RCHY1: variants seen among roughly 807,000 people sequenced by gnomAD.
The protein encoded by RCHY1 is ring finger and CHY zinc finger domain containing 1.
RCHY1 carries 21 observed loss-of-function variants against 41.6 expected under a neutral mutation model. The ratio of observed to expected loss-of-function variants is 0.51; its 90% CI spans 0.36 to 0.73. The LOEUF (loss-of-function observed/expected upper bound fraction) is 0.73, where lower values mean the gene tolerates loss of function less well. RCHY1 is among the 30% of genes least tolerant of loss of function. The pLI, the probability that RCHY1 is intolerant of heterozygous loss-of-function variation, is 0.00. For synonymous variants in RCHY1, 79 were observed against 102.9 expected, an observed-to-expected ratio of 0.77 and a Z score of 1.41; for missense variants, 265 against 325.3, an observed-to-expected ratio of 0.81 and a Z score of 1.43.
At chr4:75,497,252 C>T (rs1427215951) in intron 3 of RCHY1, among the ~76,000 whole-genome samples, 1 of 152,124 alleles carries the variant, frequency 6.6e-6, no homozygotes, top group East Asian at 1.9e-4. Flanking sequence ...CTAACGCTGC[C>T]TCCTACATAT....
At chr4:75,488,170 G>A (rs915995897) in intron 8 of RCHY1, among the ~76,000 whole-genome samples, 1 of 151,722 alleles carries the variant, frequency 6.6e-6, no homozygotes, top group East Asian at 1.9e-4. Context: ...AAAATTATAT[G>A]AGATTCTAAA....
chr4:75,492,077 G>GT, intron 4 of RCHY1, 144 bp from the exon 5 acceptor site: 1 of 551,512 alleles, frequency 1.8e-6, no homozygotes, highest in South Asian at 3.6e-5. Flanking sequence ...TGTAAGAAGA[G>GT]TTTTTTAATA....
intron 3 of RCHY1, among the ~76,000 whole-genome samples, chr4:75,495,111 T>A (rs1399928614): frequency 6.6e-6 from 1 of 151,992 alleles, no homozygotes; most frequent in East Asian, 1.9e-4. Flanking sequence ...CCAATATCAA[T>A]TTTTTATTTG....
chr4:75,485,454 C>T (rs1016247444), intron 8 of RCHY1, among the ~76,000 whole-genome samples: 2 of 152,172 alleles, frequency 1.3e-5, no homozygotes, highest in African/African-American at 4.8e-5. Context: ...TGTCTGTGTA[C>T]ATTAGGAACT....
intron 3 of RCHY1, 24 bp downstream of exon 3, chr4:75,508,796 A>G (rs766615920): frequency 1.5e-6 from 2 of 1,362,598 alleles, no homozygotes; most frequent in African/African-American, 1.5e-5. Flanking sequence ...AAGCAATTAG[A>G]TAAGAACACT....
At chr4:75,484,610 C>T (rs1480342354) in intron 8 of RCHY1, among the ~76,000 whole-genome samples, 1 of 152,108 alleles carries the variant, frequency 6.6e-6, no homozygotes, top group Non-Finnish European at 1.5e-5. Context: ...AGCCAAGATT[C>T]AAGGTGAAAA....
chr4:75,503,178 A>AC (rs1723952780), intron 3 of RCHY1, among the ~76,000 whole-genome samples: 1 of 152,088 alleles, frequency 6.6e-6, no homozygotes, highest in Non-Finnish European at 1.5e-5. Context: ...AGCATCTGCT[A>AC]CCCCTCACTC....
chr4:75,492,485 A>C (rs1013845374), intron 4 of RCHY1, among the ~76,000 whole-genome samples: 4 of 151,998 alleles, frequency 2.6e-5, no homozygotes, highest in African/African-American at 9.7e-5. Context: ...TTCCAAAGTC[A>C]CACATTAATA....
At chr4:75,497,330 C>T (rs1172001139) in intron 3 of RCHY1, among the ~76,000 whole-genome samples, 1 of 152,154 alleles carries the variant, frequency 6.6e-6, no homozygotes, top group Non-Finnish European at 1.5e-5. Context: ...TGTTTACCTA[C>T]AGTAACCTAC....
rs1721428374 is a variant in RCHY1 at position 75,480,406 on chromosome 4, A to C, written c.*2132T>G. On this transcript the variant is annotated 3_prime_UTR_variant, in exon 9 of 9. Coordinates refer to ENST00000324439, the MANE Select transcript of RCHY1 (RefSeq NM_015436.4). ...TTTAGCAAAATAGAAGTTTAGATCAAAAGCAATGTGGTAAAAGTGGGTTTG... is the reference window on the plus strand; with the variant it reads ...TTTAGCAAAATAGAAGTTTAGATCACAAGCAATGTGGTAAAAGTGGGTTTG... The C allele has an allele frequency of 1.3e-5, 2 of 152,194 alleles. No individual in the cohort carries two copies. Among genetic ancestry groups the C allele is most frequent in the African/African-American group, 4.8e-5 (2 of 41,456 alleles). 9.4% of individuals were successfully genotyped at this position (152,194 alleles called of 1,614,324 possible).
intron 8 of RCHY1, among the ~76,000 whole-genome samples, chr4:75,487,593 A>ATATATATTCATATATATTCAT (rs1722213512): frequency 1.1e-4 from 2 of 18,234 alleles, no homozygotes; most frequent in Non-Finnish European, 2.2e-4. Flanking sequence ...TATATTCATA[A>ATATATATTCATATATATTCAT]TATATATTCA....
chr4:75,483,168 A>G (rs1224269832), intron 8 of RCHY1, among the ~76,000 whole-genome samples: 1 of 152,176 alleles, frequency 6.6e-6, no homozygotes, highest in Non-Finnish European at 1.5e-5. Flanking sequence ...AAAATTGAGT[A>G]AACAGAGAGG....
intron 3 of RCHY1, among the ~76,000 whole-genome samples, chr4:75,503,595 T>A (rs541217910): frequency 1.1e-4 from 16 of 152,052 alleles, no homozygotes; most frequent in Admixed American, 9.2e-4. Flanking sequence ...CTAGGGAGGC[T>A]GAGGCAGAAT....
intron 8 of RCHY1, among the ~76,000 whole-genome samples, chr4:75,487,513 A>AAT (rs1188232907): frequency 7.9e-6 from 1 of 125,830 alleles, no homozygotes; most frequent in African/African-American, 2.9e-5. Context: ...ATATATTCAT[A>AAT]ATATATATAT....
chr4:75,510,937 C>G (rs895779905), intron 1 of RCHY1, among the ~76,000 whole-genome samples: 1 of 152,102 alleles, frequency 6.6e-6, no homozygotes, highest in Non-Finnish European at 1.5e-5. Context: ...CAAATATGTA[C>G]ACTGGAAAAG....
chr4:75,497,465 G>A (rs770566740), intron 3 of RCHY1, among the ~76,000 whole-genome samples: 3 of 152,226 alleles, frequency 2.0e-5, no homozygotes, highest in African/African-American at 4.8e-5. Context: ...CTCATTTTCT[G>A]TCACTTTCCT....
chr4:75,493,900 AGAG>A (rs1722957269), intron 4 of RCHY1, among the ~76,000 whole-genome samples, 198 bp downstream of exon 4: 1 of 151,838 alleles, frequency 6.6e-6, no homozygotes, highest in African/African-American at 2.4e-5. Flanking sequence ...CTTACACTAC[AGAG>A]AAGAAAAGGA....
intron 8 of RCHY1, among the ~76,000 whole-genome samples, chr4:75,483,210 T>C (rs921300890): frequency 1.3e-5 from 2 of 152,174 alleles, no homozygotes; most frequent in Non-Finnish European, 2.9e-5. Flanking sequence ...AACAATAAGA[T>C]GCCGTTTAAG....
chr4:75,487,473 AAT>A (rs1389119781), intron 8 of RCHY1, among the ~76,000 whole-genome samples: 7 of 138,770 alleles, frequency 5.0e-5, no homozygotes, highest in South Asian at 2.1e-4. Flanking sequence ...ATATATTCAC[AAT>A]ATATATAGTC....
Sources: allele counts gnomAD v4.1 joint callset (sites outside exome capture counted in the v4.1 genomes callset), GRCh38; gene constraint gnomAD v4.1.1; transcripts MANE v1.5; gene names NCBI Gene and HGNC (gene_info 2026-07-23, HGNC 2026-07-21).